NECTIN4: variants seen among roughly 807,000 people sequenced by gnomAD.
NECTIN4 encodes the protein nectin cell adhesion molecule 4.
Under a neutral mutation model 51.7 loss-of-function variants are expected in NECTIN4, and 19 were observed. The observed-to-expected ratio is 0.37, with a 90% CI of 0.26 to 0.54. The LOEUF is 0.54. Ranked by LOEUF, NECTIN4 falls within the 20% of genes least tolerant of loss-of-function variation. The probability of loss-of-function intolerance (pLI) is 0.86; values close to 1 mark genes in which losing one functional copy is unlikely to be tolerated. For missense variants in NECTIN4, 619 were observed against 662.4 expected (o/e 0.93, Z 0.72); for synonymous variants, 283 against 286.9 (o/e 0.99, Z 0.14).
Position 161,077,763 on chromosome 1 carries a change from G to GT in NECTIN4, c.440-21_440-20insA. The GT allele has an allele frequency of 6.2e-7, 1 of 1,600,246 alleles. No homozygotes were observed. Among genetic ancestry groups the GT allele is most frequent in the East Asian group, 2.2e-5 (1 of 44,816 alleles). On this transcript the variant is annotated intron_variant, in intron 2 of 8. Coordinates refer to ENST00000368012, the MANE Select transcript of NECTIN4 (RefSeq NM_030916.3). ...GAGGCACTGCAAATGGGGAAAGGCA[G>GT]GGGTCACAGGTCTACACAATCCCTG... is the stretch of plus-strand genomic sequence containing the variant.
chr1:161,085,874 G>A (rs954634060), intron 1 of NECTIN4, among the ~76,000 whole-genome samples: 11 of 151,946 alleles, frequency 7.2e-5, no homozygotes, highest in Admixed American at 6.6e-5. Flanking sequence ...TTGTAGAGAC[G>A]GGATTTTGCC....
chr1:161,073,622 G>A lies in NECTIN4; in HGVS notation c.1233+98C>T, dbSNP rs1571143709. ...CAGCTGTGAGTCAGTGGCTGACCCAGCAGAGAGCTGTGCTCCTGGTCTGCA... is the reference window on the plus strand; with the variant it reads ...CAGCTGTGAGTCAGTGGCTGACCCAACAGAGAGCTGTGCTCCTGGTCTGCA... On this transcript the variant is annotated intron_variant, in intron 7 of 8. Transcript: ENST00000368012. 5.5e-6 allele frequency: 6 copies of A among 1,099,206 alleles called. No individual in the cohort carries two copies. In the East Asian group the frequency reaches 7.0e-5, roughly 13 times the overall value. The allele number at this position is 1,099,206 out of a possible 1,614,324, so 68.1% of individuals were successfully genotyped here.
intron 6 of NECTIN4, 126 bp downstream of exon 6, chr1:161,074,091 C>A (rs1653305299): frequency 1.6e-6 from 2 of 1,213,536 alleles, no homozygotes; most frequent in African/African-American, 1.5e-5. Context: ...AAACACCCTG[C>A]CCACCTCTAG....
At chr1:161,073,893 T>C (rs1653297753) in intron 6 of NECTIN4, 98 bp from the exon 7 acceptor site, 6 of 1,106,676 alleles carry the variant, frequency 5.4e-6, no homozygotes. Flanking sequence ...CCGGAGGGTG[T>C]GGGTGCCGTG....
intron 7 of NECTIN4, 32 bp downstream of exon 7, chr1:161,073,688 C>T (rs749902246): frequency 6.3e-7 from 1 of 1,583,280 alleles, no homozygotes; most frequent in Non-Finnish European, 8.7e-7. Flanking sequence ...CGACCACACC[C>T]CTGCATGCAT....
chr1:161,086,020 C>T (rs1005579741), intron 1 of NECTIN4, among the ~76,000 whole-genome samples: 4 of 152,128 alleles, frequency 2.6e-5, no homozygotes, highest in Admixed American at 2.6e-4. Flanking sequence ...AAATTAAGAC[C>T]CTAGGCTTCT....
intron 1 of NECTIN4, chr1:161,087,408 T>C (rs1423455448): frequency 6.6e-6 from 1 of 151,804 alleles, no homozygotes; most frequent in African/African-American, 2.4e-5. Flanking sequence ...TCCTGTCCCC[T>C]TCCCTGGGCT....
In NECTIN4 at chr1:161,071,411, A is replaced by G. The variant is rs1422558389; in HGVS notation, c.*1250T>C. The G allele has an allele frequency of 1.3e-5, 2 of 152,210 alleles. No individual in the cohort carries two copies. The highest frequency in any genetic ancestry group is 1.5e-5 in the Non-Finnish European group (1 of 68,052). 9.4% of individuals were successfully genotyped at this position (152,210 alleles called of 1,614,324 possible). On this transcript the variant is annotated 3_prime_UTR_variant, in exon 9 of 9. Coordinates refer to ENST00000368012, the MANE Select transcript of NECTIN4 (RefSeq NM_030916.3). ...ATAATCACTGCTCTCTCTCTCCCCAACACCACTATTGAACAGGAGCCCTTG... is the reference window on the plus strand; with the variant it reads ...ATAATCACTGCTCTCTCTCTCCCCAGCACCACTATTGAACAGGAGCCCTTG...
intron 6 of NECTIN4, 88 bp downstream of exon 6, chr1:161,074,129 C>G (rs1653305875): frequency 1.3e-6 from 2 of 1,541,036 alleles, no homozygotes; most frequent in Non-Finnish European, 1.8e-6. Context: ...TTCAGCCTAC[C>G]CAGTCTCCTC....
intron 4 of NECTIN4, 93 bp from the exon 5 acceptor site, chr1:161,074,852 A>G (rs1440784367): frequency 2.2e-6 from 3 of 1,376,150 alleles, no homozygotes; most frequent in African/African-American, 1.4e-5. Flanking sequence ...CTCCACCCCC[A>G]TGACGTCACC....
intron 2 of NECTIN4, among the ~76,000 whole-genome samples, chr1:161,079,241 A>G (rs1048395536): frequency 6.6e-6 from 1 of 152,206 alleles, no homozygotes; most frequent in Non-Finnish European, 1.5e-5. Flanking sequence ...GGAGAAGAGT[A>G]GATTTGGGTG....
At chr1:161,086,733 G>C (rs1278201131) in intron 1 of NECTIN4, among the ~76,000 whole-genome samples, 1 of 152,210 alleles carries the variant, frequency 6.6e-6, no homozygotes, top group Non-Finnish European at 1.5e-5. Context: ...CCCAAGCCTG[G>C]GCTCCTTTCC....
intron 6 of NECTIN4, 72 bp from the exon 7 acceptor site, chr1:161,073,867 G>C (rs1653296792): frequency 7.1e-7 from 1 of 1,401,982 alleles, no homozygotes; most frequent in South Asian, 1.2e-5. Flanking sequence ...TCCTGGCTGA[G>C]CCTAGTGAGA....
rs1653251917 is a variant in NECTIN4 at position 161,073,121 on chromosome 1, A to G, written c.1308+104T>C. On this transcript the variant is annotated intron_variant, in intron 8 of 8. Coordinates refer to ENST00000368012, the MANE Select transcript of NECTIN4 (RefSeq NM_030916.3). Reference sequence around the variant, plus strand: ...GTGCTGGGCTGCATGAGCCAGGGCTAAGGAAAGAGGGACTGGTAAGGGGGC... The same window carrying G: ...GTGCTGGGCTGCATGAGCCAGGGCTGAGGAAAGAGGGACTGGTAAGGGGGC... The G allele has an allele frequency of 5.7e-6, 6 of 1,059,004 alleles. No homozygotes were observed. The Admixed American group carries it at 1.0e-4, about 18-fold the overall frequency. The allele number at this position is 1,059,004 out of a possible 1,614,324, so 65.6% of individuals were successfully genotyped here.
chr1:161,076,871 T>A (rs915231303), intron 3 of NECTIN4, among the ~76,000 whole-genome samples: 2 of 152,252 alleles, frequency 1.3e-5, no homozygotes, highest in East Asian at 3.8e-4. Flanking sequence ...AAACATTTGT[T>A]GAGGACCTGC....
intron 1 of NECTIN4, among the ~76,000 whole-genome samples, chr1:161,082,577 G>T (rs574927526): frequency 1.3e-5 from 2 of 152,220 alleles, no homozygotes; most frequent in Non-Finnish European, 2.9e-5. Flanking sequence ...ACAGGAAGGG[G>T]TTCCTGTGGC....
rs1653291509 is a variant in NECTIN4, at chr1:161,073,767, T to A, written c.1186A>T (p.Asn396Tyr). The A allele has an allele frequency of 5.6e-6, 9 of 1,614,028 alleles. No individual in the cohort carries two copies. Among genetic ancestry groups the A allele is most frequent in the Non-Finnish European group, 7.6e-6 (9 of 1,180,026 alleles). Residue 396 changes from asparagine (N) to tyrosine (Y), a missense_variant, in exon 7 of 9, where the codon AAC (asparagine) becomes TAC (tyrosine). Around this residue, in one of 3 missense-constraint regions of NECTIN4, gnomAD observed 364 missense variants for 415.7 expected, o/e 0.88. Transcript: ENST00000368012. ...YEEELTLTRE[N>Y]SIRRLHSHHT... is the part of the protein sequence containing the mutation. The stretch of plus-strand genomic sequence containing the variant: ...TGGGAATGCAGCCTCCGGATGGAGT[T>A]CTCCCTGGTCAGGGTCAGCTCCTCC...
chr1:161,076,500 A>G, intron 3 of NECTIN4, 25 bp from the exon 4 acceptor site: 2 of 1,613,458 alleles, frequency 1.2e-6, no homozygotes, highest in Middle Eastern at 1.7e-4. Flanking sequence ...GGGAGGAGAA[A>G]GAATGGGAAT....
intron 1 of NECTIN4, among the ~76,000 whole-genome samples, chr1:161,085,357 CAG>C (rs757055100): frequency 1.4e-4 from 22 of 152,152 alleles, no homozygotes; most frequent in Non-Finnish European, 2.5e-4. Flanking sequence ...CCCCCGGAGC[CAG>C]AGTCTGAGCC....
Sources: allele counts gnomAD v4.1 joint callset (sites outside exome capture counted in the v4.1 genomes callset), GRCh38; gene constraint gnomAD v4.1.1; regional missense constraint gnomAD v4.1.1; transcripts MANE v1.5; gene names NCBI Gene and HGNC (gene_info 2026-07-23, HGNC 2026-07-21).